The following UBE3C variants were observed in gnomAD, a reference collection of about 807,000 sequenced individuals.
UBE3C encodes ubiquitin protein ligase E3C.
In UBE3C, 42 loss-of-function variants were observed where a neutral mutation model predicts 129.4. The observed-to-expected ratio is 0.32, with a 90% CI of 0.25 to 0.42. The LOEUF (loss-of-function observed/expected upper bound fraction) is 0.42. Ranked by LOEUF, UBE3C falls within the 10% of genes least tolerant of loss-of-function variation. UBE3C has a pLI of 1.00. For synonymous variants in UBE3C, 510 were observed against 492.4 expected (o/e 1.04, Z -0.47); for missense variants, 1,049 against 1,319.1 (o/e 0.80, Z 3.17).
At chr7:157,252,723 T>C (rs1407847254) in intron 19 of UBE3C, among the ~76,000 whole-genome samples, 1 of 152,242 alleles carries the variant, frequency 6.6e-6, no homozygotes, top group East Asian at 1.9e-4. Flanking sequence ...CAGTCTTGTC[T>C]GTTACTCTGG....
chr7:157,265,106 T>C lies in UBE3C; in HGVS notation c.3082-2479T>C, dbSNP rs185775573. Among the ~76,000 whole-genome samples, 736 of 152,346 alleles carry C rather than the reference T, an allele frequency of 4.8e-3. 5 individuals are homozygous for C. The highest frequency in any genetic ancestry group is 0.032 in the South Asian group (156 of 4,826). ...TCTTGTGCATAAATTATCATGTGCA[T>C]CTCTAATTATTTCTTAGAGTACAGT... is the stretch of plus-strand genomic sequence containing the variant. On this transcript the variant is annotated intron_variant, in intron 22 of 22. Transcript: ENST00000348165.
At chr7:157,219,928 C>CA (rs1795691635) in intron 14 of UBE3C, among the ~76,000 whole-genome samples, 1 of 151,792 alleles carries the variant, frequency 6.6e-6, no homozygotes, top group African/African-American at 2.4e-5. Context: ...TTGCAAGGGC[C>CA]AGCCGGGTGT....
At chr7:157,170,492 G>T (rs1181500079) in intron 4 of UBE3C, 42 bp downstream of exon 4, 2 of 1,447,612 alleles carry the variant, frequency 1.4e-6, no homozygotes, top group South Asian at 1.5e-5. Flanking sequence ...GTTTACACGT[G>T]TTCTGCTTTT....
rs984857266 is a variant in UBE3C at position 157,269,248 on chromosome 7, C to T, written c.*1493C>T. On this transcript the variant is annotated 3_prime_UTR_variant, in exon 23 of 23. Coordinates refer to ENST00000348165, the MANE Select transcript of UBE3C (RefSeq NM_014671.3). ...TATTAGTATTTTGGAAATAGCATAT[C>T]TGAGACTGAAGAGAAATTGACAATT... 6.6e-6 allele frequency: 1 copy of T among 152,414 alleles called. No individual in the cohort carries two copies. The highest frequency in any genetic ancestry group is 1.5e-5 in the Non-Finnish European group (1 of 68,032). The allele number at this position is 152,414 out of a possible 1,614,324, so 9.4% of individuals were successfully genotyped here.
intron 9 of UBE3C, among the ~76,000 whole-genome samples, chr7:157,184,909 T>C (rs1030743311): frequency 1.3e-5 from 2 of 152,128 alleles, no homozygotes. Flanking sequence ...CCAGGGCTCA[T>C]GGCTGAGGGG....
At position 157,192,487 on chromosome 7, in the gene UBE3C, G is replaced by T. The variant is rs1426527880; in HGVS notation, c.1331+5466G>T. Reference sequence around the variant, plus strand: ...ATAAGGAAGGAATTCCTCCTGATCAGCAAAGACTGATCTTTGCTGGCAAGC... The same window carrying T: ...ATAAGGAAGGAATTCCTCCTGATCATCAAAGACTGATCTTTGCTGGCAAGC... On this transcript the variant is annotated intron_variant, in intron 10 of 22. Transcript: ENST00000348165. 4.0e-6 allele frequency: 3 copies of T among 756,918 alleles called. No individual in the cohort carries two copies. The Admixed American group carries it at 5.1e-5, about 13-fold the overall frequency. The allele number at this position is 756,918 out of a possible 1,614,324, so 46.9% of individuals were successfully genotyped here.
intron 17 of UBE3C, among the ~76,000 whole-genome samples, chr7:157,229,238 G>A (rs980851498): frequency 1.3e-5 from 2 of 152,144 alleles, no homozygotes; most frequent in African/African-American, 4.8e-5. Context: ...CTTCCCCAAA[G>A]CTGTTCTCTG....
intron 1 of UBE3C, among the ~76,000 whole-genome samples, chr7:157,156,297 G>GT (rs1807901673): frequency 1.2e-4 from 15 of 122,252 alleles, no homozygotes; most frequent in African/African-American, 4.4e-4. Context: ...CACACCCCCA[G>GT]TTCTTTTTTT....
At chr7:157,201,903 A>T (rs536706774) in intron 11 of UBE3C, 96 bp downstream of exon 11, 1 of 967,098 alleles carries the variant, frequency 1.0e-6, no homozygotes. Flanking sequence ...AGTCCTGTTT[A>T]TACTGGGCTT....
intron 1 of UBE3C, among the ~76,000 whole-genome samples, chr7:157,152,734 C>T (rs1807791491): frequency 1.3e-5 from 2 of 152,154 alleles, no homozygotes; most frequent in South Asian, 4.1e-4. Context: ...TCCCTCGTGT[C>T]TGGGCAGGTT....
chr7:157,222,057 GAT>G (rs1364212149), intron 15 of UBE3C: 1 of 152,132 alleles, frequency 6.6e-6, no homozygotes, highest in African/African-American at 2.4e-5. Flanking sequence ...TTTTTGTAGA[GAT>G]GGAATCTCCA....
Position 157,254,092 on chromosome 7 carries a change from A to G in UBE3C, c.2833A>G (p.Asn945Asp), listed in dbSNP as rs766417948. 1.4e-5 allele frequency: 23 copies of G among 1,613,078 alleles called. No homozygotes were observed. The African/African-American group carries it at 2.8e-4, about 20-fold the overall frequency. Residue 945 changes from asparagine (N) to aspartate (D), a missense_variant, in exon 20 of 23, where the codon AAT becomes GAT. Physicochemically the swap from Asn to Asp is conservative, Grantham distance 23 (BLOSUM62 1). Coordinates refer to ENST00000348165, the MANE Select transcript of UBE3C (RefSeq NM_014671.3). ...CCTGGCTTTCCGCCAGGGCCTTGCCAATGTCGTCAGCCTCGAGTGGCTCCG... is the reference window on the plus strand; with the variant it reads ...CCTGGCTTTCCGCCAGGGCCTTGCCGATGTCGTCAGCCTCGAGTGGCTCCG... ...HCLAFRQGLA[N>D]VVSLEWLRMF...
At chr7:157,175,580 C>T (rs1324822426) in intron 5 of UBE3C, among the ~76,000 whole-genome samples, 1 of 152,200 alleles carries the variant, frequency 6.6e-6, no homozygotes, top group Non-Finnish European at 1.5e-5. Context: ...GCTTATATCT[C>T]AACTGTAGTA....
chr7:157,242,954 CTGAGGTAGGAAAATCGCT>C (rs1796381787), intron 18 of UBE3C, among the ~76,000 whole-genome samples: 1 of 151,930 alleles, frequency 6.6e-6, no homozygotes, highest in South Asian at 2.1e-4. Flanking sequence ...ACTTGGGAGG[CTGAGGTAGGAAAATCGCT>C]TGAAACCGGA....
intron 1 of UBE3C, among the ~76,000 whole-genome samples, chr7:157,141,239 G>A (rs1196585275): frequency 6.6e-6 from 1 of 152,212 alleles, no homozygotes; most frequent in Non-Finnish European, 1.5e-5. Flanking sequence ...GGAGCCAGCT[G>A]TATGTACAGC....
chr7:157,231,109 C>T lies in UBE3C; in HGVS notation c.2263C>T (p.His755Tyr), dbSNP rs139694368. ...TGATTTGAAAAAGCGGATCCGTGTG[C>T]ACTTGCTCAATGCCCATGGCCTGGA... ...EPDLKKRIRV[H>Y]LLNAHGLDEA... The change falls in exon 18 of 23, where the codon CAC becomes TAC. Residue 755 changes from histidine to tyrosine, a missense_variant. Transcript: ENST00000348165. The T allele has an allele frequency of 6.2e-7, 1 of 1,613,926 alleles. No homozygotes were observed.
chr7:157,167,052 C>T (rs1808236564), intron 2 of UBE3C, among the ~76,000 whole-genome samples: 2 of 152,088 alleles, frequency 1.3e-5, no homozygotes, highest in South Asian at 4.1e-4. Flanking sequence ...GCCTCAGCCT[C>T]CCAAGTAGCT....
In UBE3C at chr7:157,159,705, T is replaced by G. The variant is rs953914475; in HGVS notation, c.67-4105T>G. 7.2e-5 allele frequency among the ~76,000 whole-genome samples: 11 copies of G among 152,156 alleles called. No homozygotes were observed. The East Asian group carries it at 2.1e-3, about 29-fold the overall frequency. ...CAACATGGTGAAACCTTGTCTCTACTAAAAATACAGAAACAGCCGAGCGTG... is the reference window on the plus strand; with the variant it reads ...CAACATGGTGAAACCTTGTCTCTACGAAAAATACAGAAACAGCCGAGCGTG... On this transcript the variant is annotated intron_variant, in intron 1 of 22. Transcript: ENST00000348165.
rs147211425 is a variant in UBE3C, at chr7:157,207,270, A to G, written c.1419-128A>G. On this transcript the variant is annotated intron_variant, in intron 11 of 22. Coordinates refer to ENST00000348165, the MANE Select transcript of UBE3C (RefSeq NM_014671.3). ...CATGGTGACTTTACCTTGCCTTTAA[A>G]TAGTTTAATTCCTAATGCAAATGTT... 642 of 1,322,136 alleles carry G rather than the reference A, an allele frequency of 4.9e-4. 6 individuals are homozygous for G. In the East Asian group the frequency reaches 0.014, roughly 29 times the overall value. The allele number at this position is 1,322,136 out of a possible 1,614,324, so 81.9% of individuals were successfully genotyped here.
Sources: gnomAD v4.1 joint callset for allele counts (sites outside exome capture counted in the v4.1 genomes callset) on GRCh38, gnomAD v4.1.1 for gene constraint, MANE v1.5 for transcripts, NCBI Gene and HGNC (gene_info 2026-07-23, HGNC 2026-07-21) for gene names.